Variants in SYN3 observed in about 807,000 individuals in gnomAD.
SYN3 encodes synapsin III.
A neutral mutation model predicts 65.8 loss-of-function variants in SYN3; 35 were observed. The ratio of observed to expected loss-of-function variants is 0.53; its 90% CI spans 0.41 to 0.70. SYN3 has a LOEUF of 0.70. Among genes scored for constraint, SYN3 ranks in the 30% least tolerant of loss-of-function variants. The probability of loss-of-function intolerance (pLI) is 0.00; values close to 1 mark genes in which losing one functional copy is unlikely to be tolerated. For synonymous variants in SYN3, 270 were observed against 292.9 expected (o/e 0.92, Z 0.80); for missense variants, 680 against 749.0 (o/e 0.91, Z 1.08).
intron 6 of SYN3, among the ~76,000 whole-genome samples, chr22:32,810,486 G>T (rs2046888066): frequency 7.0e-6 from 1 of 143,392 alleles, no homozygotes; most frequent in Non-Finnish European, 1.5e-5. Context: ...CCAAGGTAAA[G>T]TTCAGTTAGT....
At chr22:32,726,406 G>A (rs2061194470) in intron 6 of SYN3, among the ~76,000 whole-genome samples, 1 of 152,228 alleles carries the variant, frequency 6.6e-6, no homozygotes, top group Admixed American at 6.5e-5. Flanking sequence ...CTCCCAAAGT[G>A]CTGGGATTAC....
At chr22:32,899,121 C>CAAAACAAAACAA (rs1419498399) in intron 4 of SYN3, among the ~76,000 whole-genome samples, 4 of 151,820 alleles carry the variant, frequency 2.6e-5, no homozygotes, top group African/African-American at 7.2e-5. Context: ...CAAAACAAAA[C>CAAAACAAAACAA]AACGAAAAAA....
intron 6 of SYN3, among the ~76,000 whole-genome samples, chr22:32,779,187 T>C (rs779812365): frequency 6.6e-6 from 1 of 152,174 alleles, no homozygotes; most frequent in Non-Finnish European, 1.5e-5. Flanking sequence ...CAGCCGGGCA[T>C]GGTGGCTCAC....
chr22:32,766,106 A>C (rs1602096216), intron 6 of SYN3, among the ~76,000 whole-genome samples: 1 of 152,026 alleles, frequency 6.6e-6, no homozygotes, highest in South Asian at 2.1e-4. Context: ...GAACTGGAGG[A>C]GGTATTTGGA....
chr22:33,032,287 C>T (rs1407699275), intron 1 of SYN3, among the ~76,000 whole-genome samples: 2 of 151,330 alleles, frequency 1.3e-5, no homozygotes, highest in Non-Finnish European at 1.5e-5. Context: ...GCAGGTGGAT[C>T]ACATGAGGTC....
chr22:32,681,399 G>A (rs2060520932), intron 6 of SYN3, among the ~76,000 whole-genome samples: 1 of 152,162 alleles, frequency 6.6e-6, no homozygotes, highest in African/African-American at 2.4e-5. Context: ...GGGGATATTT[G>A]GCAATGTCTG....
chr22:33,012,938 CA>C (rs1180154165), intron 1 of SYN3, among the ~76,000 whole-genome samples: 1 of 152,218 alleles, frequency 6.6e-6, no homozygotes, highest in Non-Finnish European at 1.5e-5. Context: ...TTTTCTCCAG[CA>C]ACCTCAAATC....
At chr22:32,933,345 A>G (rs2146707056) in intron 3 of SYN3, among the ~76,000 whole-genome samples, 1 of 152,308 alleles carries the variant, frequency 6.6e-6, no homozygotes, top group East Asian at 1.9e-4. Context: ...GCAGAAAAAG[A>G]TCAAATAACA....
intron 6 of SYN3, among the ~76,000 whole-genome samples, chr22:32,733,105 C>T (rs865896395): frequency 6.6e-6 from 1 of 152,182 alleles, no homozygotes; most frequent in Non-Finnish European, 1.5e-5. Context: ...TGGCTGATCC[C>T]TTTACACAGT....
chr22:32,508,552 C>A lies in SYN3; in HGVS notation c.*5140G>T, dbSNP rs1416719824. 6.6e-6 allele frequency among the ~76,000 whole-genome samples: 1 copy of A among 152,154 alleles called. No homozygotes were observed. The highest frequency in any genetic ancestry group is 2.4e-5 in the African/African-American group (1 of 41,432). ...GTTCTCATTCTGCCTCCTCCCATTC[C>A]TCTTCAGATTCAGTTTGGAAGAGGT... is the stretch of plus-strand genomic sequence containing the variant. On this transcript the variant is annotated 3_prime_UTR_variant, in exon 14 of 14. Transcript: ENST00000358763.
intron 3 of SYN3, among the ~76,000 whole-genome samples, chr22:32,975,243 C>T (rs2146955431): frequency 6.6e-6 from 1 of 152,096 alleles, no homozygotes; most frequent in African/African-American, 2.4e-5. Flanking sequence ...GGCCTGGTGG[C>T]AGGTGCCTGT....
chr22:32,664,613 CAG>C (rs1280576042), intron 6 of SYN3, among the ~76,000 whole-genome samples: 6 of 61,304 alleles, frequency 9.8e-5, no homozygotes, highest in African/African-American at 7.2e-4. Context: ...TTTTTTTTGA[CAG>C]AGTCTCGCTC....
At chr22:32,786,852 T>A (rs2046205794) in intron 6 of SYN3, among the ~76,000 whole-genome samples, 1 of 151,954 alleles carries the variant, frequency 6.6e-6, no homozygotes, top group African/African-American at 2.4e-5. Flanking sequence ...TGTCATGGGA[T>A]GAAGGGCACA....
rs180684737 is a variant in SYN3, at chr22:32,804,795, C to A, written c.711+60120G>T. 1.7e-3 allele frequency among the ~76,000 whole-genome samples: 262 copies of A among 152,278 alleles called. 1 individual carries two copies. Among genetic ancestry groups the A allele is most frequent in the African/African-American group, 5.8e-3 (243 of 41,554 alleles). ...AAACTACATGCCGGCTTATAAGACA[C>A]ACTGTGGGGGAAAGAAAGGGACTTG... On this transcript the variant is annotated intron_variant, in intron 6 of 13. Transcript: ENST00000358763.
intron 6 of SYN3, among the ~76,000 whole-genome samples, chr22:32,840,759 G>A (rs2047876197): frequency 6.6e-6 from 1 of 152,128 alleles, no homozygotes; most frequent in African/African-American, 2.4e-5. Context: ...TCTCCAGGGC[G>A]ATTCCCTGAC....
At chr22:32,958,621 A>G (rs994110610) in intron 3 of SYN3, among the ~76,000 whole-genome samples, 3 of 152,220 alleles carry the variant, frequency 2.0e-5, no homozygotes, top group Admixed American at 6.5e-5. Context: ...AGCACTTACT[A>G]TGTGCCAGGC....
intron 6 of SYN3, among the ~76,000 whole-genome samples, chr22:32,673,769 A>G (rs2060403933): frequency 6.6e-6 from 1 of 152,234 alleles, no homozygotes; most frequent in African/African-American, 2.4e-5. Context: ...GTGAGTTCCA[A>G]GAGTTCAATA....
chr22:32,987,294 C>G (rs1378938098), intron 2 of SYN3, among the ~76,000 whole-genome samples: 1 of 152,154 alleles, frequency 6.6e-6, no homozygotes, highest in Admixed American at 6.5e-5. Context: ...AACCAATGGG[C>G]TGTGCAGAAA....
intron 6 of SYN3, chr22:32,859,264 C>T (rs1310613651): frequency 6.2e-7 from 1 of 1,614,174 alleles, no homozygotes; most frequent in Non-Finnish European, 8.5e-7. Context: ...TTTCGGTTAC[C>T]CTGGCTACCA....
Sources: allele counts gnomAD v4.1 joint callset (sites outside exome capture counted in the v4.1 genomes callset), GRCh38; gene constraint gnomAD v4.1.1; transcripts MANE v1.5; gene names NCBI Gene and HGNC (gene_info 2026-07-23, HGNC 2026-07-21).